PPIH: variants seen among roughly 807,000 people sequenced by gnomAD.
PPIH encodes the protein peptidyl-prolyl cis-trans isomerase H.
In PPIH, 16 loss-of-function variants were observed where a neutral mutation model predicts 27.6. That is an observed-to-expected ratio of 0.58 (90% CI 0.39 to 0.88). The LOEUF (loss-of-function observed/expected upper bound fraction) is 0.88, where lower values mean the gene tolerates loss of function less well. PPIH is among the 40% of genes least tolerant of loss of function. The pLI, the probability that PPIH is intolerant of heterozygous loss-of-function variation, is 0.00. For missense variants in PPIH, 155 were observed against 224.1 expected (o/e 0.69, Z 1.97); for synonymous variants, 63 against 76.1 (o/e 0.83, Z 0.90).
chr1:42,661,051 G>T, intron 5 of PPIH, 147 bp downstream of exon 5: 1 of 705,834 alleles, frequency 1.4e-6, no homozygotes, highest in East Asian at 2.8e-5. Flanking sequence ...AATGGTGATG[G>T]GGAAGTTCTT....
chr1:42,680,396 C>T (rs1649988259), downstream of PPIH, among the ~76,000 whole-genome samples: 1 of 152,212 alleles, frequency 6.6e-6, no homozygotes, highest in Non-Finnish European at 1.5e-5. Flanking sequence ...GCTACCTCTG[C>T]TCCTGCAGTA....
intron 6 of PPIH, 38 bp from the exon 7 acceptor site, chr1:42,665,942 C>A: frequency 6.4e-7 from 1 of 1,554,596 alleles, no homozygotes; most frequent in Admixed American, 1.7e-5. Flanking sequence ...CTAACATGGC[C>A]GGGGAAACTT....
downstream of PPIH, among the ~76,000 whole-genome samples, chr1:42,680,021 TCA>T (rs967932769): frequency 3.9e-5 from 6 of 152,234 alleles, no homozygotes; most frequent in East Asian, 1.9e-4. Context: ...CCCAAGGAAG[TCA>T]CAGTCTGGTG....
chr1:42,664,893 C>CG lies in PPIH; in HGVS notation c.279dup (p.Pro94AlafsTer5). 1 of 1,613,622 alleles carries CG rather than the reference C, an allele frequency of 6.2e-7. No homozygotes were observed. Among genetic ancestry groups the CG allele is most frequent in the Non-Finnish European group, 8.5e-7 (1 of 1,179,820 alleles). On this transcript the variant is annotated frameshift_variant, in exon 6 of 10. Transcript: ENST00000304979. LOFTEE classifies it high-confidence loss of function. Reference sequence around the variant, plus strand: ...TGGTACTGGAGTCGCCAGTATTTACCGGGGGCCATTTGCAGATGAAAATTT... The same window carrying CG: ...TGGTACTGGAGTCGCCAGTATTTACCGGGGGGCCATTTGCAGATGAAAATTT...
intron 9 of PPIH, among the ~76,000 whole-genome samples, chr1:42,669,194 CAAAAAA>C (rs11297325): frequency 7.6e-6 from 1 of 131,550 alleles, no homozygotes; most frequent in Non-Finnish European, 1.6e-5. Context: ...TGGATGACAT[CAAAAAA>C]AAAAAAAAAA....
chr1:42,667,264 A>G (rs1258276850), intron 8 of PPIH, 87 bp from the exon 9 acceptor site: 16 of 1,222,320 alleles, frequency 1.3e-5, no homozygotes, highest in Non-Finnish European at 1.9e-5. Flanking sequence ...AGTCCTTAGC[A>G]CAGGGCTGGC....
chr1:42,662,874 TTTTAC>T (rs1649118912), intron 5 of PPIH, among the ~76,000 whole-genome samples: 1 of 152,200 alleles, frequency 6.6e-6, no homozygotes, highest in South Asian at 2.1e-4. Flanking sequence ...AATCTATATG[TTTTAC>T]TTTTTTTGTA....
downstream of PPIH, among the ~76,000 whole-genome samples, chr1:42,680,211 T>A (rs1186823810): frequency 1.3e-5 from 2 of 152,220 alleles, no homozygotes; most frequent in Non-Finnish European, 2.9e-5. Context: ...GCTAAAGGAC[T>A]CCACTAGATG....
intron 9 of PPIH, among the ~76,000 whole-genome samples, chr1:42,673,472 G>A (rs1455327886): frequency 6.6e-6 from 1 of 152,194 alleles, no homozygotes; most frequent in Non-Finnish European, 1.5e-5. Context: ...CCTCTTCCCT[G>A]TGATCCTCAA....
intron 1 of PPIH, 150 bp downstream of exon 1, chr1:42,658,662 G>A (rs965998675): frequency 9.3e-7 from 1 of 1,078,762 alleles, no homozygotes; most frequent in South Asian, 1.5e-5. Flanking sequence ...GGGGGGAAAG[G>A]AGGAGGAGGA....
intron 9 of PPIH, among the ~76,000 whole-genome samples, chr1:42,667,708 A>G (rs1649419442): frequency 6.6e-6 from 1 of 152,256 alleles, no homozygotes; most frequent in African/African-American, 2.4e-5. Context: ...TAATGTACAA[A>G]GTATCAATGT....
Position 42,666,070 on chromosome 1 carries a change from A to G in PPIH, c.424+3A>G. 1 of 1,613,682 alleles carries G rather than the reference A, an allele frequency of 6.2e-7. No homozygotes were observed. On this transcript the variant is annotated splice_donor_region_variant and intron_variant, in intron 7 of 9. Transcript: ENST00000304979. ...GGATGGGAAGCATGTGGTGTTTGGT[A>G]AGTCCTACTCCTGTCTCATGGTCCA...
chr1:42,674,311 G>C (rs1649783810), intron 9 of PPIH, among the ~76,000 whole-genome samples: 1 of 152,228 alleles, frequency 6.6e-6, no homozygotes, highest in Non-Finnish European at 1.5e-5. Flanking sequence ...CAGGCAGAGG[G>C]AACAGCCTAT....
intron 5 of PPIH, among the ~76,000 whole-genome samples, 197 bp from the exon 6 acceptor site, chr1:42,664,666 C>G (rs1374472013): frequency 6.6e-6 from 1 of 152,124 alleles, no homozygotes; most frequent in Non-Finnish European, 1.5e-5. Flanking sequence ...TCCAGCCAGT[C>G]TTTGTGGGCT....
intron 5 of PPIH, among the ~76,000 whole-genome samples, chr1:42,664,101 A>T (rs1356088575): frequency 2.0e-5 from 3 of 152,224 alleles, no homozygotes; most frequent in African/African-American, 7.2e-5. Context: ...TTAAGCAGAA[A>T]TTGGGAGTTT....
At chr1:42,665,445 G>A (rs1314320362) in intron 6 of PPIH, among the ~76,000 whole-genome samples, 1 of 152,076 alleles carries the variant, frequency 6.6e-6, no homozygotes, top group African/African-American at 2.4e-5. Context: ...AGTAGGTAAG[G>A]CCCACTAGCA....
intron 1 of PPIH, 151 bp from the exon 2 acceptor site, chr1:42,658,693 C>T: frequency 1.7e-6 from 2 of 1,142,868 alleles, no homozygotes; most frequent in Non-Finnish European, 2.5e-6. Context: ...TCCTAGCGCC[C>T]CGCTTCTGGA....
At chr1:42,662,834 T>G (rs1649115616) in intron 5 of PPIH, among the ~76,000 whole-genome samples, 1 of 152,248 alleles carries the variant, frequency 6.6e-6, no homozygotes, top group East Asian at 1.9e-4. Context: ...TGTATATGTG[T>G]GTTTATATAA....
At chr1:42,681,198 T>G (rs550457060), downstream of PPIH, 4 of 152,276 alleles carry the variant, frequency 2.6e-5, no homozygotes, top group South Asian at 8.3e-4. Flanking sequence ...CCTCAGGATA[T>G]ATTTCCAATT....
Sources: allele counts gnomAD v4.1 joint callset (sites outside exome capture counted in the v4.1 genomes callset), GRCh38; gene constraint gnomAD v4.1.1; transcripts MANE v1.5; gene names NCBI Gene and HGNC (gene_info 2026-07-23, HGNC 2026-07-21).